Variants in CABCOCO1 observed in about 807,000 individuals in gnomAD.
CABCOCO1 encodes the protein ciliary-associated calcium-binding coiled-coil protein 1.
CABCOCO1 carries 28 observed loss-of-function variants against 35.7 expected under a neutral mutation model. That is an observed-to-expected ratio of 0.78 (90% CI 0.58 to 1.07). CABCOCO1 has a LOEUF of 1.07. CABCOCO1 is among the 50% of genes least tolerant of loss of function. The pLI is 0.00. For synonymous variants in CABCOCO1, 95 were observed against 100.1 expected (o/e 0.95, Z 0.30); for missense variants, 326 against 309.2 (o/e 1.05, Z -0.41).
At chr10:61,717,394 C>G (rs1490709129) in intron 5 of CABCOCO1, among the ~76,000 whole-genome samples, 2 of 151,928 alleles carry the variant, frequency 1.3e-5, no homozygotes, top group Non-Finnish European at 2.9e-5. Context: ...ACTTTAAGTT[C>G]TTTAAATTAC....
chr10:61,669,686 A>G (rs1321439437), intron 1 of CABCOCO1, among the ~76,000 whole-genome samples: 1 of 152,110 alleles, frequency 6.6e-6, no homozygotes, highest in Non-Finnish European at 1.5e-5. Context: ...AAATTTTAGT[A>G]AAAGAATGAG....
intron 1 of CABCOCO1, among the ~76,000 whole-genome samples, chr10:61,669,705 A>G (rs1370596342): frequency 6.6e-6 from 1 of 152,126 alleles, no homozygotes; most frequent in African/African-American, 2.4e-5. Flanking sequence ...AGGCTCTAAT[A>G]TTAGGCATCT....
At chr10:61,718,164 T>G (rs1466718892) in intron 5 of CABCOCO1, among the ~76,000 whole-genome samples, 5 of 152,210 alleles carry the variant, frequency 3.3e-5, no homozygotes, top group Admixed American at 2.6e-4. Context: ...GTAGTTGGAA[T>G]GAAATCTTCC....
chr10:61,749,704 G>C (rs1303204708), intron 5 of CABCOCO1, among the ~76,000 whole-genome samples: 1 of 152,116 alleles, frequency 6.6e-6, no homozygotes, highest in Non-Finnish European at 1.5e-5. Context: ...GAACTACTAG[G>C]GTTCCCCTTC....
intron 5 of CABCOCO1, among the ~76,000 whole-genome samples, chr10:61,733,012 A>G (rs1418945745): frequency 6.6e-6 from 1 of 151,954 alleles, no homozygotes; most frequent in African/African-American, 2.4e-5. Context: ...TTATGTTTGG[A>G]TTCTGTTTCT....
chr10:61,689,682 A>C (rs888175380), intron 4 of CABCOCO1, among the ~76,000 whole-genome samples: 4 of 152,192 alleles, frequency 2.6e-5, no homozygotes, highest in Non-Finnish European at 5.9e-5. Flanking sequence ...AAGGCACCAG[A>C]GTGAAAGAGA....
At chr10:61,704,206 A>C (rs567652423) in intron 5 of CABCOCO1, among the ~76,000 whole-genome samples, 110 of 152,344 alleles carry the variant, frequency 7.2e-4, no homozygotes, top group African/African-American at 2.6e-3. Context: ...CCTGGGTGAC[A>C]GAGTGAAACC....
At chr10:61,757,700 G>GACACACAC (rs67841126) in intron 5 of CABCOCO1, among the ~76,000 whole-genome samples, 13,172 of 147,760 alleles carry the variant, frequency 0.089, 723 homozygotes, top group Middle Eastern at 0.15. Context: ...CACACACACA[G>GACACACAC]ACACACACAC....
chr10:61,725,425 A>G, intron 5 of CABCOCO1, among the ~76,000 whole-genome samples: 1 of 152,230 alleles, frequency 6.6e-6, no homozygotes, highest in Non-Finnish European at 1.5e-5. Flanking sequence ...AATACTATGC[A>G]GCCATAAAAA....
intron 5 of CABCOCO1, among the ~76,000 whole-genome samples, chr10:61,746,384 T>G (rs1453305858): frequency 6.6e-6 from 1 of 152,152 alleles, no homozygotes; most frequent in Non-Finnish European, 1.5e-5. Context: ...GTAAAAAACT[T>G]CGCAGTTGTT....
chr10:61,672,821 T>C (rs565280331), intron 2 of CABCOCO1, 86 bp downstream of exon 2: 19 of 843,302 alleles, frequency 2.3e-5, no homozygotes, highest in Non-Finnish European at 2.7e-5. Context: ...GTATAAGCTT[T>C]TTTCACAATA....
chr10:61,728,283 G>T (rs1841211495), intron 5 of CABCOCO1, among the ~76,000 whole-genome samples: 1 of 151,902 alleles, frequency 6.6e-6, no homozygotes, highest in Non-Finnish European at 1.5e-5. Flanking sequence ...CTATGTTTAT[G>T]TACAAGGCCT....
chr10:61,666,590 T>G (rs1420842737), intron 1 of CABCOCO1, among the ~76,000 whole-genome samples: 4 of 152,180 alleles, frequency 2.6e-5, no homozygotes, highest in African/African-American at 9.7e-5. Flanking sequence ...GTCCTGCTCC[T>G]CCTCTCCCTT....
At chr10:61,759,916 G>A (rs2588915) in intron 5 of CABCOCO1, 143 bp from the exon 6 acceptor site, 483,685 of 1,005,064 alleles carry the variant, frequency 0.48, 124,700 homozygotes, top group Middle Eastern at 0.58. Flanking sequence ...AGGACAAAAA[G>A]GGCAATGGCA....
intron 5 of CABCOCO1, among the ~76,000 whole-genome samples, chr10:61,732,343 C>G (rs1038163605): frequency 1.3e-5 from 2 of 151,776 alleles, no homozygotes; most frequent in African/African-American, 4.8e-5. Context: ...CTTTTCATTT[C>G]TAGGAAAATA....
At chr10:61,726,722 C>A (rs1259343797) in intron 5 of CABCOCO1, among the ~76,000 whole-genome samples, 3 of 151,642 alleles carry the variant, frequency 2.0e-5, no homozygotes, top group Admixed American at 6.6e-5. Flanking sequence ...AACTGGATGA[C>A]CTCCTTTTTA....
chr10:61,690,757 C>A, intron 5 of CABCOCO1, 136 bp downstream of exon 5: 1 of 542,264 alleles, frequency 1.8e-6, no homozygotes, highest in South Asian at 3.0e-5. Context: ...TCGTAGTTTG[C>A]AAAAAGAATA....
chr10:61,711,314 A>G (rs1456619782), intron 5 of CABCOCO1, among the ~76,000 whole-genome samples: 1 of 152,034 alleles, frequency 6.6e-6, no homozygotes, highest in African/African-American at 2.4e-5. Context: ...CCACGTTAAC[A>G]GCAATCATAA....
chr10:61,686,325 T>G (rs1839963139), intron 4 of CABCOCO1, 140 bp downstream of exon 4: 3 of 631,930 alleles, frequency 4.7e-6, no homozygotes, highest in Non-Finnish European at 7.4e-6. Context: ...AATAATTAGG[T>G]ACTTAAATCT....
Sources: allele counts gnomAD v4.1 joint callset (sites outside exome capture counted in the v4.1 genomes callset), GRCh38; gene constraint gnomAD v4.1.1; transcripts MANE v1.5; gene names NCBI Gene and HGNC (gene_info 2026-07-23, HGNC 2026-07-21).